Variants in SORCS1 observed in about 807,000 individuals in gnomAD.
SORCS1 encodes VPS10 domain-containing receptor SorCS1.
Under a neutral mutation model 146.1 loss-of-function variants are expected in SORCS1, and 60 were observed. That is an observed-to-expected ratio of 0.41 (90% CI 0.33 to 0.51). The LOEUF is 0.51. SORCS1 is among the 20% of genes least tolerant of loss of function. SORCS1 has a pLI of 0.21. For synonymous variants in SORCS1, 637 were observed against 584.0 expected (o/e 1.09, Z -1.31); for missense variants, 1,352 against 1,487.6 (o/e 0.91, Z 1.50).
the SORCS1 span, among the ~76,000 whole-genome samples, chr10:107,176,959 T>C: frequency 1.3e-4 from 20 of 152,122 alleles, no homozygotes; most frequent in Admixed American, 1.2e-3. Flanking sequence ...TGTATCAAAA[T>C]TGTCAATCAT....
rs144447889 is a variant in SORCS1 at position 107,036,536 on chromosome 10, C to G, written c.559-79956G>C. ...AGTTGATGACACTGGCATAAGTGAA[C>G]TTAAGTCCTCTGCCCACCAAGCCTA... On this transcript the variant is annotated intron_variant, in intron 1 of 25. Coordinates refer to ENST00000263054, the MANE Select transcript of SORCS1 (RefSeq NM_052918.5). 5.9e-5 allele frequency among the ~76,000 whole-genome samples: 9 copies of G among 152,296 alleles called. No homozygotes were observed. In the East Asian group the frequency reaches 1.5e-3, roughly 26 times the overall value.
chr10:107,139,118 A>C (rs1270607905), intron 1 of SORCS1, among the ~76,000 whole-genome samples: 4 of 152,216 alleles, frequency 2.6e-5, no homozygotes, highest in African/African-American at 7.2e-5. Context: ...TATGAATCTA[A>C]GCATGAAAAT....
chr10:107,043,627 T>G (rs553293278), intron 1 of SORCS1, among the ~76,000 whole-genome samples: 3 of 152,256 alleles, frequency 2.0e-5, no homozygotes, highest in Non-Finnish European at 4.4e-5. Context: ...CCCTATTGTC[T>G]TCAGCTGTTC....
chr10:106,999,823 G>A (rs1382587155), intron 1 of SORCS1, among the ~76,000 whole-genome samples: 1 of 152,170 alleles, frequency 6.6e-6, no homozygotes. Flanking sequence ...AGTGTAACAG[G>A]ATAAGGGGAA....
chr10:106,922,331 G>T (rs1345000077), intron 2 of SORCS1, among the ~76,000 whole-genome samples: 2 of 152,150 alleles, frequency 1.3e-5, no homozygotes, highest in African/African-American at 4.8e-5. Flanking sequence ...AAGAGCAGCT[G>T]ACTTCTCAAC....
intron 1 of SORCS1, among the ~76,000 whole-genome samples, chr10:107,060,000 A>G (rs1961026167): frequency 6.6e-6 from 1 of 152,180 alleles, no homozygotes; most frequent in African/African-American, 2.4e-5. Context: ...TGAGGGTCAA[A>G]GAATGCTTCT....
chr10:106,733,465 G>A (rs560581641), intron 5 of SORCS1, among the ~76,000 whole-genome samples: 2 of 152,306 alleles, frequency 1.3e-5, no homozygotes, highest in South Asian at 4.1e-4. Flanking sequence ...TATAAGTGCT[G>A]ATTTTAACGG....
intron 1 of SORCS1, among the ~76,000 whole-genome samples, chr10:106,995,313 C>CAAAAAAAAAA (rs369510454): frequency 8.5e-6 from 1 of 118,308 alleles, no homozygotes; most frequent in African/African-American, 3.0e-5. Flanking sequence ...GACTCCATCT[C>CAAAAAAAAAA]AAAAAAAAAA....
At chr10:107,038,199 A>C (rs186397404) in intron 1 of SORCS1, among the ~76,000 whole-genome samples, 50 of 152,316 alleles carry the variant, frequency 3.3e-4, no homozygotes, top group African/African-American at 1.2e-3. Flanking sequence ...GGAAAAACGG[A>C]GATTCATCAA....
At chr10:106,585,123 T>C (rs553534441) in intron 24 of SORCS1, among the ~76,000 whole-genome samples, 5 of 150,794 alleles carry the variant, frequency 3.3e-5, no homozygotes, top group African/African-American at 1.2e-4. Context: ...ACTCGGGAGG[T>C]TGAGGCAGGA....
At chr10:107,082,186 G>A (rs1039456570) in intron 1 of SORCS1, among the ~76,000 whole-genome samples, 2 of 152,158 alleles carry the variant, frequency 1.3e-5, no homozygotes, top group African/African-American at 4.8e-5. Flanking sequence ...CTGTCCTCAA[G>A]GCATGGTTTC....
At chr10:106,645,346 A>G (rs1462909913) in intron 18 of SORCS1, among the ~76,000 whole-genome samples, 1 of 151,704 alleles carries the variant, frequency 6.6e-6, no homozygotes, top group Non-Finnish European at 1.5e-5. Context: ...TTTTGTTTGT[A>G]GCTGTTTTTT....
At chr10:107,019,042 G>C (rs1958017551) in intron 1 of SORCS1, among the ~76,000 whole-genome samples, 1 of 152,020 alleles carries the variant, frequency 6.6e-6, no homozygotes, top group Admixed American at 6.6e-5. Context: ...TTTTGCATCT[G>C]TGAAGAGGAT....
At chr10:106,595,379 A>G (rs1845845970) in intron 24 of SORCS1, among the ~76,000 whole-genome samples, 1 of 152,056 alleles carries the variant, frequency 6.6e-6, no homozygotes, top group Admixed American at 6.5e-5. Flanking sequence ...CTTGCTCCTT[A>G]CACTCATCTT....
chr10:106,897,936 G>A (rs556380832), intron 2 of SORCS1, among the ~76,000 whole-genome samples: 4 of 152,360 alleles, frequency 2.6e-5, no homozygotes, highest in Admixed American at 2.6e-4. Flanking sequence ...GTCCTCTGGT[G>A]CAGCCTTGGC....
intron 23 of SORCS1, chr10:106,600,133 G>T: frequency 5.1e-6 from 1 of 194,966 alleles, no homozygotes; most frequent in Non-Finnish European, 9.3e-6. Flanking sequence ...CTCTTCAAGT[G>T]AGATATACCA....
chr10:106,875,911 G>A (rs951779812), intron 2 of SORCS1, among the ~76,000 whole-genome samples: 2 of 152,098 alleles, frequency 1.3e-5, no homozygotes, highest in African/African-American at 4.8e-5. Context: ...GCTTGGACTA[G>A]GGACTTATGC....
intron 1 of SORCS1, among the ~76,000 whole-genome samples, chr10:107,079,157 T>C (rs557453668): frequency 1.8e-4 from 27 of 147,616 alleles, no homozygotes; most frequent in South Asian, 6.5e-4. Flanking sequence ...ACCCGGGAGG[T>C]GGAGCTTGCA....
At chr10:106,769,221 C>T (rs1487886923) in intron 4 of SORCS1, among the ~76,000 whole-genome samples, 5 of 152,142 alleles carry the variant, frequency 3.3e-5, no homozygotes, top group Non-Finnish European at 7.3e-5. Flanking sequence ...AGCGGTGGCT[C>T]ACGCTTGTAA....
Sources: allele counts gnomAD v4.1 joint callset (sites outside exome capture counted in the v4.1 genomes callset), GRCh38; gene constraint gnomAD v4.1.1; transcripts MANE v1.5; gene names NCBI Gene and HGNC (gene_info 2026-07-23, HGNC 2026-07-21).